RNF6: variants seen among roughly 807,000 people sequenced by gnomAD.
RNF6 encodes the protein E3 ubiquitin-protein ligase RNF6.
A neutral mutation model predicts 50.1 loss-of-function variants in RNF6; 21 were observed. That is an observed-to-expected ratio of 0.42 (90% CI 0.30 to 0.60). RNF6 has a LOEUF of 0.60. RNF6 is among the 20% of genes least tolerant of loss of function. The pLI is 0.20. For missense variants in RNF6, 698 were observed against 838.2 expected, an observed-to-expected ratio of 0.83 and a Z score of 2.07; for synonymous variants, 255 against 291.8, an observed-to-expected ratio of 0.87 and a Z score of 1.29.
chr13:26,171,753 A>G (rs533014061), intron 5 of RNF6, among the ~76,000 whole-genome samples: 5 of 152,364 alleles, frequency 3.3e-5, no homozygotes, highest in African/African-American at 1.2e-4. Flanking sequence ...AACATGGATG[A>G]AACTTCAAGA....
intron 2 of RNF6, among the ~76,000 whole-genome samples, chr13:26,220,227 G>A (rs1382925783): frequency 6.6e-6 from 1 of 152,142 alleles, no homozygotes; most frequent in African/African-American, 2.4e-5. Flanking sequence ...CTGGAAGGTG[G>A]TCTCTTATTA....
intron 5 of RNF6, among the ~76,000 whole-genome samples, chr13:26,146,219 G>C (rs1871235104): frequency 6.6e-6 from 1 of 152,176 alleles, no homozygotes; most frequent in Non-Finnish European, 1.5e-5. Flanking sequence ...CAGTATACTG[G>C]GTCCTTTCTC....
chr13:26,158,140 A>G lies in RNF6; in HGVS notation n.769-25689T>C, dbSNP rs1023561534. ...TCCAGGAAGGTAGGAGAGAGGAGCC[A>G]GGGAAGCTACAGTAACCTCAGCAAA... On this transcript the variant is annotated intron_variant and non_coding_transcript_variant, in intron 5 of 5. Coordinates refer to the RNF6 transcript ENST00000468480. Among the ~76,000 whole-genome samples, 3 of 152,232 alleles carry G rather than the reference A, an allele frequency of 2.0e-5. No homozygotes were observed. In the East Asian group the frequency reaches 5.8e-4, roughly 29 times the overall value.
At chr13:26,153,617 G>T (rs925806328) in intron 5 of RNF6, among the ~76,000 whole-genome samples, 2 of 152,150 alleles carry the variant, frequency 1.3e-5, no homozygotes, top group African/African-American at 2.4e-5. Flanking sequence ...TGGTTAAATT[G>T]CAGGGTTCAT....
intron 5 of RNF6, among the ~76,000 whole-genome samples, chr13:26,200,576 T>C (rs777914187): frequency 6.6e-6 from 1 of 152,158 alleles, no homozygotes; most frequent in Non-Finnish European, 1.5e-5. Flanking sequence ...AGCTAATTTT[T>C]TGTATTTTTA....
chr13:26,218,110 T>C (rs912801077), intron 4 of RNF6, among the ~76,000 whole-genome samples: 14 of 152,198 alleles, frequency 9.2e-5, no homozygotes, highest in African/African-American at 3.1e-4. Flanking sequence ...TTTTTATATG[T>C]AAACCATCAA....
intron 5 of RNF6, among the ~76,000 whole-genome samples, chr13:26,147,442 C>T (rs1405227169): frequency 6.6e-6 from 1 of 152,140 alleles, no homozygotes; most frequent in Non-Finnish European, 1.5e-5. Flanking sequence ...AAGGCAGATA[C>T]CACTGTGTGT....
At chr13:26,211,942 T>A (rs1183460934), downstream of RNF6, among the ~76,000 whole-genome samples, 1 of 152,210 alleles carries the variant, frequency 6.6e-6, no homozygotes, top group Admixed American at 6.5e-5. Context: ...CTCTTCCACC[T>A]CTTCATACTG....
chr13:26,158,080 T>C (rs1165647318), intron 5 of RNF6, among the ~76,000 whole-genome samples: 1 of 151,968 alleles, frequency 6.6e-6, no homozygotes, highest in Non-Finnish European at 1.5e-5. Flanking sequence ...GAAACATGAA[T>C]GGATAGATGG....
chr13:26,172,544 ATC>A (rs1177273932), intron 5 of RNF6, among the ~76,000 whole-genome samples: 1 of 73,024 alleles, frequency 1.4e-5, no homozygotes, highest in African/African-American at 3.5e-5. Context: ...TCTAGAATAT[ATC>A]TTTTTTTTTT....
intron 2 of RNF6, among the ~76,000 whole-genome samples, chr13:26,220,912 A>G (rs1241267717): frequency 6.6e-6 from 1 of 152,256 alleles, no homozygotes; most frequent in East Asian, 1.9e-4. Flanking sequence ...GTAAGCAACT[A>G]TTCAATTTCA....
intron 5 of RNF6, among the ~76,000 whole-genome samples, chr13:26,148,659 T>C (rs1052292853): frequency 3.2e-5 from 4 of 123,578 alleles, no homozygotes; most frequent in African/African-American, 8.5e-5. Context: ...TATATATATA[T>C]ATATATATAT....
intron 5 of RNF6, among the ~76,000 whole-genome samples, chr13:26,144,180 C>T (rs1172118311): frequency 6.6e-6 from 1 of 152,018 alleles, no homozygotes; most frequent in Non-Finnish European, 1.5e-5. Flanking sequence ...CAGTGGAAGT[C>T]CCTGTTGCTG....
chr13:26,167,994 A>T (rs1223656489), intron 5 of RNF6, among the ~76,000 whole-genome samples: 1 of 152,230 alleles, frequency 6.6e-6, no homozygotes, highest in Non-Finnish European at 1.5e-5. Context: ...GAGCTAAATG[A>T]TGAGAACACA....
rs1869795378 is a variant in RNF6, at chr13:26,215,596, G to C, written c.290-4C>G. On this transcript the variant is annotated splice_region_variant and splice_polypyrimidine_tract_variant and intron_variant, in intron 4 of 4. Coordinates refer to ENST00000381588, the MANE Select transcript of RNF6 (RefSeq NM_005977.4). ...CTTTCTCTAGGGACTTCTGAGTCTA[G>C]AAAGCAAAGCAAATCAACTTAAGAT... 1 of 1,590,126 alleles carries C rather than the reference G, an allele frequency of 6.3e-7. No homozygotes were observed.
intron 5 of RNF6, among the ~76,000 whole-genome samples, chr13:26,160,085 C>T (rs184387027): frequency 8.7e-4 from 133 of 152,002 alleles, no homozygotes; most frequent in Non-Finnish European, 3.1e-4. Context: ...AGAAACAATG[C>T]CCCTCTAGAA....
rs117200936 is a variant in RNF6 at position 26,175,977 on chromosome 13, A to C, written n.768+39497T>G. 3.6e-3 allele frequency among the ~76,000 whole-genome samples: 541 copies of C among 152,288 alleles called. 5 individuals are homozygous for C. The highest frequency in any genetic ancestry group is 0.011 in the South Asian group (52 of 4,826). ...GCACTCTCACATTCCAGGGAAAGCC[A>C]GGAGTGAACTTGCTCTGGTGCTACC... On this transcript the variant is annotated intron_variant and non_coding_transcript_variant, in intron 5 of 5. Transcript: ENST00000468480.
At chr13:26,202,875 C>G (rs1052283287) in intron 5 of RNF6, among the ~76,000 whole-genome samples, 2 of 152,152 alleles carry the variant, frequency 1.3e-5, no homozygotes, top group African/African-American at 4.8e-5. Context: ...AACAAAAGTC[C>G]TTTTATTAAT....
chr13:26,147,794 C>T (rs1367804443), intron 5 of RNF6, among the ~76,000 whole-genome samples: 1 of 152,174 alleles, frequency 6.6e-6, no homozygotes, highest in African/African-American at 2.4e-5. Flanking sequence ...ACAAGAGTCT[C>T]CTTCAGGACA....
Sources: gnomAD v4.1 joint callset for allele counts (sites outside exome capture counted in the v4.1 genomes callset) on GRCh38, gnomAD v4.1.1 for gene constraint, MANE v1.5 for transcripts, NCBI Gene and HGNC (gene_info 2026-07-23, HGNC 2026-07-21) for gene names.